VPS13D: variants seen among roughly 807,000 people sequenced by gnomAD.
VPS13D encodes intermembrane lipid transfer protein VPS13D.
In VPS13D, 187 loss-of-function variants were observed where a neutral mutation model predicts 461.9. That is an observed-to-expected ratio of 0.40 (90% confidence interval 0.36 to 0.46). VPS13D has a LOEUF of 0.46. Ranked by LOEUF, VPS13D falls within the 20% of genes least tolerant of loss-of-function variation. The pLI is 0.60. For missense variants in VPS13D, 4,711 were observed against 5,364.9 expected (o/e 0.88, Z 3.81); for synonymous variants, 1,951 against 1,986.3 (o/e 0.98, Z 0.47).
chr1:12,409,512 A>G (rs1335563637), intron 63 of VPS13D, among the ~76,000 whole-genome samples: 2 of 152,238 alleles, frequency 1.3e-5, no homozygotes, highest in Non-Finnish European at 2.9e-5. Flanking sequence ...CAATAGTGCT[A>G]TTAGACTAAA....
chr1:12,342,349 T>C (rs891255534), intron 41 of VPS13D, among the ~76,000 whole-genome samples: 5 of 152,162 alleles, frequency 3.3e-5, no homozygotes, highest in Non-Finnish European at 4.4e-5. Context: ...TGGGTGGAGT[T>C]TGGAGAACAA....
chr1:12,490,390 G>C (rs975770522), intron 67 of VPS13D, among the ~76,000 whole-genome samples: 3 of 152,148 alleles, frequency 2.0e-5, no homozygotes, highest in Admixed American at 1.3e-4. Context: ...TTGAAACCTT[G>C]GGGAAGAATT....
chr1:12,487,190 G>A (rs1645808532), intron 67 of VPS13D, among the ~76,000 whole-genome samples: 1 of 152,136 alleles, frequency 6.6e-6, no homozygotes, highest in African/African-American at 2.4e-5. Context: ...CGTGTCCCTA[G>A]CACTTTTTGA....
chr1:12,324,946 A>G (rs1202225868), intron 35 of VPS13D, among the ~76,000 whole-genome samples: 2 of 152,196 alleles, frequency 1.3e-5, no homozygotes, highest in Non-Finnish European at 2.9e-5. Context: ...TTAGTCCCCT[A>G]CGATGGACTT....
intron 65 of VPS13D, among the ~76,000 whole-genome samples, chr1:12,426,038 A>G (rs1374053416): frequency 6.6e-6 from 1 of 152,238 alleles, no homozygotes; most frequent in African/African-American, 2.4e-5. Context: ...TTCCAACTGT[A>G]ATTTCTAAGT....
At chr1:12,346,466 T>C (rs1643678874) in intron 43 of VPS13D, 139 bp from the exon 44 acceptor site, 8 of 771,840 alleles carry the variant, frequency 1.0e-5, no homozygotes, top group Non-Finnish European at 1.6e-5. Context: ...GAGGAGATGT[T>C]TTATCTTCAT....
At chr1:12,250,535 C>T (rs143422840) in intron 6 of VPS13D, among the ~76,000 whole-genome samples, 239 of 152,126 alleles carry the variant, frequency 1.6e-3, no homozygotes, top group African/African-American at 5.4e-3. Context: ...ATTTTGTCCC[C>T]TAAATGACGT....
intron 25 of VPS13D, among the ~76,000 whole-genome samples, chr1:12,301,177 T>C (rs994628235): frequency 2.0e-5 from 3 of 152,246 alleles, no homozygotes; most frequent in African/African-American, 4.8e-5. Flanking sequence ...TGACACCAGA[T>C]GTGTTGGGTT....
At chr1:12,504,177 A>G (rs143412187) in intron 68 of VPS13D, among the ~76,000 whole-genome samples, 29 of 152,288 alleles carry the variant, frequency 1.9e-4, no homozygotes, top group African/African-American at 6.0e-4. Context: ...AAAATTAATA[A>G]TAATAACGAT....
chr1:12,321,735 G>A, intron 32 of VPS13D, 74 bp from the exon 33 acceptor site: 1 of 1,480,418 alleles, frequency 6.8e-7, no homozygotes, highest in East Asian at 2.4e-5. Context: ...TTCTGAGATA[G>A]CCTCTTTGTG....
Position 12,314,275 on chromosome 1 carries a change from G to A in VPS13D, c.7096G>A (p.Ala2366Thr), listed in dbSNP as rs375877842. The A allele has an allele frequency of 1.5e-5, 25 of 1,614,020 alleles. No individual in the cohort carries two copies. The highest frequency in any genetic ancestry group is 1.2e-4 in the African/African-American group (9 of 74,904). ...TGTGTTCAGCTGTATCTTTCAGCCCGCTAAGAACAGCAGCACCACCCAAGG... is the reference window on the plus strand; with the variant it reads ...TGTGTTCAGCTGTATCTTTCAGCCCACTAAGAACAGCAGCACCACCCAAGG... ...TNVFSCIFQP[A>T]KNSSTTQGSI... The change falls in exon 30 of 70, where the codon GCT (alanine) becomes ACT (threonine). Residue 2366 changes from alanine to threonine, a missense_variant. Ala to Thr is a moderately conservative substitution (Grantham distance 58). Coordinates refer to ENST00000620676, the MANE Select transcript of VPS13D (RefSeq NM_015378.4).
Position 12,261,148 on chromosome 1 carries a change from G to A in VPS13D, c.1413G>A (p.Leu471=). The A allele has an allele frequency of 6.2e-7, 1 of 1,614,146 alleles. No individual in the cohort carries two copies. Among genetic ancestry groups the A allele is most frequent in the Non-Finnish European group, 8.5e-7 (1 of 1,180,016 alleles). The stretch of plus-strand genomic sequence containing the variant: ...AGCAGTGGATTCCTGAAGAGATCCT[G>A]GGTACGGTGGGAGCTGGCCTTCACT... ...QQEQWIPEEI[L]GTEEFFDPTA... The change falls in exon 12 of 70, where the codon CTG becomes CTA. Residue 471 remains leucine (L), a splice_region_variant and synonymous_variant. Transcript: ENST00000620676.
intron 65 of VPS13D, among the ~76,000 whole-genome samples, chr1:12,428,467 C>T (rs1265868517): frequency 1.3e-5 from 2 of 152,174 alleles, no homozygotes; most frequent in African/African-American, 4.8e-5. Flanking sequence ...AACTAGGAGC[C>T]ACATTGGAGA....
At chr1:12,273,936 T>G (rs1348575620) in intron 18 of VPS13D, among the ~76,000 whole-genome samples, 2 of 152,304 alleles carry the variant, frequency 1.3e-5, no homozygotes, top group East Asian at 3.9e-4. Context: ...AGACCCCCAT[T>G]TCTGCAATGT....
In VPS13D at chr1:12,276,903, A is replaced by G; in HGVS notation, c.3315A>G (p.Leu1105=). The change falls in exon 19 of 70, where the codon CTA becomes CTG. Residue 1105 remains leucine (L), a synonymous_variant. Transcript: ENST00000620676. This position sits in a 1 kb window ranked among gnomAD's most constrained non-coding sequence, Gnocchi z 4.5. ...NLDSTLQVIS[L]QVNNLDIILN... ...ACAGTACTCTTCAGGTGATTTCCCT[A>G]CAGGTGAATAATTTAGATATTATCC... 1.2e-6 allele frequency: 2 copies of G among 1,614,212 alleles called. No homozygotes were observed. Among genetic ancestry groups the G allele is most frequent in the Non-Finnish European group, 1.7e-6 (2 of 1,180,032 alleles).
At chr1:12,234,735 C>G (rs1367482659) in intron 2 of VPS13D, among the ~76,000 whole-genome samples, 1 of 152,178 alleles carries the variant, frequency 6.6e-6, no homozygotes, top group Non-Finnish European at 1.5e-5. Context: ...TGAACAATAG[C>G]TCATATTGAA....
intron 46 of VPS13D, among the ~76,000 whole-genome samples, chr1:12,351,805 TG>T (rs1187488191): frequency 5.5e-4 from 82 of 150,198 alleles, no homozygotes; most frequent in Non-Finnish European, 4.4e-5. Flanking sequence ...TTGGCCAGGC[TG>T]GTCTTGAACT....
chr1:12,345,296 A>G, intron 42 of VPS13D, 78 bp from the exon 43 acceptor site: 1 of 1,507,844 alleles, frequency 6.6e-7, no homozygotes, highest in Non-Finnish European at 9.0e-7. Flanking sequence ...GTACTAAATC[A>G]GATTTGTGTC....
At chr1:12,340,904 G>A (rs1177401119) in intron 40 of VPS13D, among the ~76,000 whole-genome samples, 1 of 152,206 alleles carries the variant, frequency 6.6e-6, no homozygotes, top group Admixed American at 6.5e-5. Context: ...AGGAGCTGCT[G>A]CCCTTCCTTT....
Sources: allele counts gnomAD v4.1 joint callset (sites outside exome capture counted in the v4.1 genomes callset), GRCh38; gene constraint gnomAD v4.1.1; non-coding constraint Gnocchi (gnomAD v3.1); transcripts MANE v1.5; gene names NCBI Gene and HGNC (gene_info 2026-07-23, HGNC 2026-07-21).